The following BORCS5 variants were observed in gnomAD, a reference collection of about 807,000 sequenced individuals.
BORCS5 encodes BLOC-1 related complex subunit 5.
In BORCS5, 17 loss-of-function variants were observed where a neutral mutation model predicts 22.1. The ratio of observed to expected loss-of-function variants is 0.77; its 90% confidence interval spans 0.53 to 1.15. BORCS5 has a LOEUF of 1.15. BORCS5 is among the 50% of genes most tolerant of loss of function. The probability of loss-of-function intolerance (pLI) is 0.00; values close to 1 mark genes in which losing one functional copy is unlikely to be tolerated. For missense variants in BORCS5, 247 were observed against 253.2 expected, an observed-to-expected ratio of 0.98 and a Z score of 0.17; for synonymous variants, 117 against 99.8, an observed-to-expected ratio of 1.17 and a Z score of -1.03.
At chr12:12,450,459 T>G (rs1942886277) in intron 3 of BORCS5, among the ~76,000 whole-genome samples, 2 of 152,246 alleles carry the variant, frequency 1.3e-5, no homozygotes, top group Non-Finnish European at 2.9e-5. Context: ...CCCTTTGGTC[T>G]CCTCTCAGTT....
chr12:12,421,138 G>C (rs1283323770), intron 2 of BORCS5, among the ~76,000 whole-genome samples: 1 of 152,188 alleles, frequency 6.6e-6, no homozygotes, highest in Non-Finnish European at 1.5e-5. Context: ...GATTTTCAAA[G>C]GGAATGCTTC....
intron 2 of BORCS5, among the ~76,000 whole-genome samples, chr12:12,381,649 T>TA (rs1863777341): frequency 6.6e-6 from 1 of 151,526 alleles, no homozygotes; most frequent in South Asian, 2.1e-4. Flanking sequence ...TATTACTGCT[T>TA]AGGACTTTCA....
At chr12:12,362,391 A>G (rs1863306218) in intron 2 of BORCS5, among the ~76,000 whole-genome samples, 1 of 152,322 alleles carries the variant, frequency 6.6e-6, no homozygotes, top group Non-Finnish European at 1.5e-5. Flanking sequence ...CATCTGTTTC[A>G]TAAATAAGGA....
At chr12:12,463,469 T>C (rs918115) in intron 3 of BORCS5, among the ~76,000 whole-genome samples, 38,025 of 152,080 alleles carry the variant, frequency 0.25, 5,219 homozygotes, top group Admixed American at 0.31. Flanking sequence ...AGGGTCTTGC[T>C]CAGGAAATAT....
Position 12,470,836 on chromosome 12 carries a change from G to A in BORCS5, c.*5060G>A, listed in dbSNP as rs530805673. Among the ~76,000 whole-genome samples the A allele has an allele frequency of 1.1e-4, 17 of 152,166 alleles. No individual in the cohort carries two copies. The South Asian group carries it at 3.5e-3, about 32-fold the overall frequency. On this transcript the variant is annotated 3_prime_UTR_variant, in exon 4 of 4. Coordinates refer to ENST00000314565, the MANE Select transcript of BORCS5 (RefSeq NM_058169.6). Reference sequence around the variant, plus strand: ...TGCCAGGATGACCAGCGTTATGCTGGTGTGTGCGTGTCCATGCCTCCGGGA... The same window carrying A: ...TGCCAGGATGACCAGCGTTATGCTGATGTGTGCGTGTCCATGCCTCCGGGA...
At chr12:12,418,879 C>T (rs1181497870) in intron 2 of BORCS5, among the ~76,000 whole-genome samples, 2 of 152,102 alleles carry the variant, frequency 1.3e-5, no homozygotes, top group African/African-American at 2.4e-5. Context: ...TTAACTGATA[C>T]AGTGGCACTT....
At chr12:12,391,811 C>T (rs1381575879) in intron 2 of BORCS5, among the ~76,000 whole-genome samples, 1 of 144,618 alleles carries the variant, frequency 6.9e-6, no homozygotes, top group Non-Finnish European at 1.5e-5. Context: ...GTGGGCAGAT[C>T]GCTTGAGCTC....
intron 2 of BORCS5, among the ~76,000 whole-genome samples, chr12:12,363,879 C>T (rs530813584): frequency 1.3e-5 from 2 of 151,188 alleles, no homozygotes; most frequent in African/African-American, 4.9e-5. Flanking sequence ...TGGGCAACAA[C>T]AGTGAAACTC....
intron 3 of BORCS5, among the ~76,000 whole-genome samples, chr12:12,446,548 T>C (rs1467306845): frequency 6.6e-6 from 1 of 152,232 alleles, no homozygotes; most frequent in Non-Finnish European, 1.5e-5. Flanking sequence ...CTGTTGTTAG[T>C]TGGTAGGAGA....
chr12:12,410,338 T>C (rs1941699852), intron 2 of BORCS5, among the ~76,000 whole-genome samples: 1 of 152,228 alleles, frequency 6.6e-6, no homozygotes, highest in African/African-American at 2.4e-5. Flanking sequence ...TAGGTTTTCT[T>C]CTAGGGTTTT....
At chr12:12,428,259 C>T (rs1240719541) in intron 2 of BORCS5, among the ~76,000 whole-genome samples, 1 of 152,214 alleles carries the variant, frequency 6.6e-6, no homozygotes, top group African/African-American at 2.4e-5. Flanking sequence ...CACCTGACAT[C>T]TCAGAATGAA....
rs990245956 is a variant in BORCS5, at chr12:12,468,972, A to G, written c.*3196A>G. On this transcript the variant is annotated 3_prime_UTR_variant, in exon 4 of 4. Transcript: ENST00000314565. Reference sequence around the variant, plus strand: ...AATATGAAATATATTTTGAACCTAGATACCTACCCAGTATTCTCTGCACAG... The same window carrying G: ...AATATGAAATATATTTTGAACCTAGGTACCTACCCAGTATTCTCTGCACAG... 7.2e-5 allele frequency: 11 copies of G among 152,206 alleles called. No homozygotes were observed. The highest frequency in any genetic ancestry group is 2.7e-4 in the African/African-American group (11 of 41,444). 9.4% of individuals were successfully genotyped at this position (152,206 alleles called of 1,614,324 possible).
chr12:12,438,371 A>AAAAAAAAAAAAAAAAAAAAAAAC (rs1565915549), intron 3 of BORCS5, among the ~76,000 whole-genome samples: 11 of 117,080 alleles, frequency 9.4e-5, no homozygotes, highest in African/African-American at 4.9e-4. Context: ...AAAAAAAAAA[A>AAAAAAAAAAAAAAAAAAAAAAAC]AAAAAAAAAC....
intron 2 of BORCS5, among the ~76,000 whole-genome samples, chr12:12,409,251 AGGG>A (rs1941661699): frequency 6.6e-6 from 1 of 152,028 alleles, no homozygotes; most frequent in Non-Finnish European, 1.5e-5. Flanking sequence ...TTTAAGTTTT[AGGG>A]TACATGTGCA....
chr12:12,438,445 C>T (rs1391054209), intron 3 of BORCS5, among the ~76,000 whole-genome samples: 1 of 150,326 alleles, frequency 6.7e-6, no homozygotes, highest in African/African-American at 2.5e-5. Flanking sequence ...AAGTGTGGTA[C>T]GGAGAGATTA....
chr12:12,438,385 A>AAAAAAAAAACAC (rs1555156048), intron 3 of BORCS5, among the ~76,000 whole-genome samples: 25 of 126,140 alleles, frequency 2.0e-4, no homozygotes, highest in African/African-American at 8.2e-4. Context: ...AAAAAACGAA[A>AAAAAAAAAACAC]AACAACAACA....
At chr12:12,405,131 G>A (rs7135655) in intron 2 of BORCS5, among the ~76,000 whole-genome samples, 40,158 of 152,094 alleles carry the variant, frequency 0.26, 6,500 homozygotes, top group African/African-American at 0.47. Context: ...GGTAAATGCC[G>A]AAAGTGAACC....
chr12:12,438,385 A>AAAATACAAC lies in BORCS5; in HGVS notation c.360+2602_360+2603insATACAACAA, dbSNP rs1555156048. ...CAAAAAAAAAAAAAAAAAAAACGAA[A>AAAATACAAC]AACAACAACAAAAACCTCTAATCCA... On this transcript the variant is annotated intron_variant, in intron 3 of 3. Coordinates refer to ENST00000314565, the MANE Select transcript of BORCS5 (RefSeq NM_058169.6). 4.0e-5 allele frequency among the ~76,000 whole-genome samples: 5 copies of AAAATACAAC among 126,110 alleles called. 1 individual carries two copies. Among genetic ancestry groups the AAAATACAAC allele is most frequent in the African/African-American group, 9.8e-5 (3 of 30,526 alleles). 82.7% of individuals were successfully genotyped at this position (126,110 alleles called of 152,430 possible).
intron 2 of BORCS5, among the ~76,000 whole-genome samples, chr12:12,405,932 G>A (rs1941585620): frequency 6.6e-6 from 1 of 152,154 alleles, no homozygotes; most frequent in African/African-American, 2.4e-5. Context: ...TCGTGTTTTG[G>A]GCTACCTAGC....
Sources: gnomAD v4.1 joint callset for allele counts (sites outside exome capture counted in the v4.1 genomes callset) on GRCh38, gnomAD v4.1.1 for gene constraint, MANE v1.5 for transcripts, NCBI Gene and HGNC (gene_info 2026-07-23, HGNC 2026-07-21) for gene names.